SPDL1: variants seen among roughly 807,000 people sequenced by gnomAD.
The protein encoded by SPDL1 is protein Spindly.
SPDL1 carries 85 observed loss-of-function variants against 79.5 expected under a neutral mutation model. The ratio of observed to expected loss-of-function variants is 1.07; its 90% CI spans 0.90 to 1.28. SPDL1 has a LOEUF of 1.28. Ranked by LOEUF, SPDL1 falls within the 50% of genes most tolerant of loss-of-function variation. SPDL1 has a pLI of 0.00. For missense variants in SPDL1, 703 were observed against 697.8 expected, an observed-to-expected ratio of 1.01 and a Z score of -0.08; for synonymous variants, 269 against 240.3, an observed-to-expected ratio of 1.12 and a Z score of -1.10.
At chr5:169,590,016 C>T (rs975343771) in intron 2 of SPDL1, among the ~76,000 whole-genome samples, 2 of 152,184 alleles carry the variant, frequency 1.3e-5, no homozygotes, top group Non-Finnish European at 2.9e-5. Flanking sequence ...TAATTATCTG[C>T]ATTGCTAATT....
At chr5:169,587,014 C>T (rs1755019790) in intron 1 of SPDL1, among the ~76,000 whole-genome samples, 1 of 152,140 alleles carries the variant, frequency 6.6e-6, no homozygotes, top group African/African-American at 2.4e-5. Flanking sequence ...TTAAGGATTC[C>T]CCTCTTGCTG....
chr5:169,589,284 G>T (rs559484522), intron 2 of SPDL1, among the ~76,000 whole-genome samples: 1 of 152,098 alleles, frequency 6.6e-6, no homozygotes, highest in Non-Finnish European at 1.5e-5. Context: ...CCTTCTGGCC[G>T]GGTTGCCTGC....
At chr5:169,600,639 T>C (rs75133626) in intron 10 of SPDL1, among the ~76,000 whole-genome samples, 1,529 of 152,284 alleles carry the variant, frequency 0.01, 26 homozygotes, top group African/African-American at 0.035. Flanking sequence ...TTAGATAGAA[T>C]GATATTAGGC....
At chr5:169,603,284 G>A (rs1220742774) in intron 11 of SPDL1, among the ~76,000 whole-genome samples, 1 of 151,852 alleles carries the variant, frequency 6.6e-6, no homozygotes, top group East Asian at 1.9e-4. Flanking sequence ...TCTTGTTACC[G>A]AGAATCTTTA....
chr5:169,585,657 A>G (rs1260223786), intron 1 of SPDL1, among the ~76,000 whole-genome samples: 3 of 152,250 alleles, frequency 2.0e-5, no homozygotes, highest in African/African-American at 7.2e-5. Flanking sequence ...TGGCCGTATC[A>G]TGTACAGGCT....
intron 3 of SPDL1, among the ~76,000 whole-genome samples, chr5:169,592,245 C>T (rs1235790515): frequency 1.8e-5 from 2 of 108,664 alleles, no homozygotes; most frequent in Non-Finnish European, 3.4e-5. Context: ...GAGGCAGAGT[C>T]TCACACTGTC....
In SPDL1 at chr5:169,588,225, T is replaced by C; in HGVS notation, c.-23-169T>C. The C allele has an allele frequency of 6.2e-6, 3 of 484,356 alleles. No individual in the cohort carries two copies. The South Asian group carries it at 9.6e-5, about 16-fold the overall frequency. 30.0% of individuals were successfully genotyped at this position (484,356 alleles called of 1,614,324 possible). On this transcript the variant is annotated intron_variant, in intron 1 of 11. Transcript: ENST00000265295. ...ATCAGTAACAGAATTGTCAGAACAG[T>C]TCTTGCTCTTGGAACAAGAATGCAA...
At chr5:169,598,239 G>T (rs1755691659) in intron 8 of SPDL1, among the ~76,000 whole-genome samples, 1 of 152,160 alleles carries the variant, frequency 6.6e-6, no homozygotes, top group African/African-American at 2.4e-5. Flanking sequence ...TCAGATTTGG[G>T]TTCAGGTTCT....
Position 169,588,444 on chromosome 5 carries a change from C to T in SPDL1, c.28C>T (p.Arg10Ter), listed in dbSNP as rs755034373. The change falls in exon 2 of 12, where the codon CGA becomes TGA. Residue 10 changes from arginine to a stop codon, truncating the protein, a stop_gained. Transcript: ENST00000265295. LOFTEE classifies it high-confidence loss of function. Reference protein sequence around the residue: MEADIITNLRCRLKEAEEER... With the variant: MEADIITNL The stretch of plus-strand genomic sequence containing the variant: ...GGAGGCAGATATAATCACAAATCTT[C>T]GATGCAGGCTCAAAGAGGCTGAAGA... 8.7e-6 allele frequency: 14 copies of T among 1,611,300 alleles called. No homozygotes were observed. Among genetic ancestry groups the T allele is most frequent in the East Asian group, 4.5e-5 (2 of 44,818 alleles).
Position 169,596,716 on chromosome 5 carries a change from TA to T in SPDL1, c.1032+22del, listed in dbSNP as rs570682508. 12 of 1,549,926 alleles carry T rather than the reference TA, an allele frequency of 7.7e-6. No homozygotes were observed. The African/African-American group carries it at 8.5e-5, about 11-fold the overall frequency. On this transcript the variant is annotated intron_variant, in intron 8 of 11. Coordinates refer to ENST00000265295, the MANE Select transcript of SPDL1 (RefSeq NM_017785.5). ...AGAAATTTAAGGTATGTATAACAGT[TA>T]AAAAAACACACATCCAAATTTTGAT...
intron 10 of SPDL1, among the ~76,000 whole-genome samples, 190 bp downstream of exon 10, chr5:169,599,349 G>T (rs1250845197): frequency 6.6e-6 from 1 of 152,148 alleles, no homozygotes; most frequent in Non-Finnish European, 1.5e-5. Flanking sequence ...TACTGGGTGT[G>T]CCTGAATATA....
At chr5:169,604,037 A>C in intron 11 of SPDL1, 23 bp from the exon 12 acceptor site, 1 of 1,593,496 alleles carries the variant, frequency 6.3e-7, no homozygotes, top group Non-Finnish European at 8.5e-7. Context: ...TTGAATTCAG[A>C]GTGGATGCTT....
Position 169,588,534 on chromosome 5 carries a change from C to T in SPDL1, c.118C>T (p.Gln40Ter), listed in dbSNP as rs1473896675. The change falls in exon 2 of 12, where the codon CAA becomes TAA. Residue 40 changes from glutamine to a stop codon, truncating the protein, a stop_gained. Transcript: ENST00000265295. LOFTEE classifies it high-confidence loss of function. ...LVESQNELQNQLDKCRNEMMT... is the reference protein window; with the variant it reads ...LVESQNELQN ...AGAGAGTCAAAATGAATTACAGAAT[C>T]AATTGGATAAATGTCGTAATGAAAT... 16 of 1,613,378 alleles carry T rather than the reference C, an allele frequency of 9.9e-6. No individual in the cohort carries two copies. The highest frequency in any genetic ancestry group is 1.4e-5 in the Non-Finnish European group (16 of 1,179,688).
chr5:169,597,556 G>A (rs920348634), intron 8 of SPDL1, among the ~76,000 whole-genome samples: 1 of 151,966 alleles, frequency 6.6e-6, no homozygotes, highest in Non-Finnish European at 1.5e-5. Context: ...ATTTTTGAAT[G>A]TTAGCTTTCA....
Position 169,594,135 on chromosome 5 carries a change from T to C in SPDL1, c.532-10T>C, listed in dbSNP as rs1314102053. On this transcript the variant is annotated splice_polypyrimidine_tract_variant and intron_variant, in intron 4 of 11. Coordinates refer to ENST00000265295, the MANE Select transcript of SPDL1 (RefSeq NM_017785.5). ...AGAGAATTTCCTCCTTTTCAATTCC[T>C]GTTAAATAGACCACCCTCAAAGAAG... is the stretch of plus-strand genomic sequence containing the variant. 1.3e-6 allele frequency: 2 copies of C among 1,595,390 alleles called. No homozygotes were observed. Among genetic ancestry groups the C allele is most frequent in the Non-Finnish European group, 1.7e-6 (2 of 1,174,250 alleles).
At chr5:169,601,681 C>T (rs1467578682) in intron 11 of SPDL1, 56 bp downstream of exon 11, 12 of 1,422,684 alleles carry the variant, frequency 8.4e-6, no homozygotes, top group South Asian at 1.2e-5. Flanking sequence ...TCTCCTCTCT[C>T]GCTGCATGAA....
At position 169,594,203 on chromosome 5, in the gene SPDL1, T is replaced by C. The variant is rs760489927; in HGVS notation, c.590T>C (p.Leu197Pro). 1.2e-6 allele frequency: 2 copies of C among 1,613,866 alleles called. No individual in the cohort carries two copies. The highest frequency in any genetic ancestry group is 1.7e-6 in the Non-Finnish European group (2 of 1,179,824). ...LQYRQEQLEL[L>P]ITNLMRQVDR... is the part of the protein sequence containing the mutation. ...TACAGACAAGAACAGCTAGAACTTC[T>C]TATTACTAACCTAATGCGCCAGGTA... The change falls in exon 5 of 12, where the codon CTT becomes CCT. Residue 197 changes from leucine (L) to proline (P), a missense_variant. Leu to Pro is a moderately conservative substitution (Grantham distance 98, BLOSUM62 -3). Coordinates refer to ENST00000265295, the MANE Select transcript of SPDL1 (RefSeq NM_017785.5).
chr5:169,600,488 G>C (rs749725689), intron 10 of SPDL1, among the ~76,000 whole-genome samples: 4 of 152,200 alleles, frequency 2.6e-5, no homozygotes, highest in Non-Finnish European at 5.9e-5. Flanking sequence ...CAACAATGTA[G>C]AGCAAAAACA....
intron 1 of SPDL1, among the ~76,000 whole-genome samples, chr5:169,586,899 C>T (rs1755009459): frequency 6.6e-6 from 1 of 152,174 alleles, no homozygotes; most frequent in African/African-American, 2.4e-5. Flanking sequence ...TTTGGAATGA[C>T]TTCCCATGTC....
Sources: gnomAD v4.1 joint callset for allele counts (sites outside exome capture counted in the v4.1 genomes callset) on GRCh38, gnomAD v4.1.1 for gene constraint, MANE v1.5 for transcripts, NCBI Gene and HGNC (gene_info 2026-07-23, HGNC 2026-07-21) for gene names.